UBR2: variants seen among roughly 807,000 people sequenced by gnomAD.
UBR2 encodes ubiquitin protein ligase E3 component n-recognin 2.
A neutral mutation model predicts 247.9 loss-of-function variants in UBR2; 92 were observed. The observed-to-expected ratio is 0.37, with a 90% CI of 0.31 to 0.44. The LOEUF (loss-of-function observed/expected upper bound fraction) is 0.44. Among genes scored for constraint, UBR2 ranks in the 20% least tolerant of loss-of-function variants. The probability of loss-of-function intolerance (pLI) is 1.00; values close to 1 mark genes in which losing one functional copy is unlikely to be tolerated. For synonymous variants in UBR2, 672 were observed against 693.5 expected (o/e 0.97, Z 0.49); for missense variants, 1,613 against 2,112.6 (o/e 0.76, Z 4.64).
rs1200384762 is a variant in UBR2 at position 42,644,294 on chromosome 6, T to C, written c.2178T>C (p.Thr726=). ...SRFELYQIFS[T]PDYGKRFSSE... ...TTGAACTTTATCAGATTTTCAGTAC[T>C]CCAGACTATGGAAAAAGATTTAGTT... is the stretch of plus-strand genomic sequence containing the variant. The change falls in exon 19 of 47, where the codon ACT becomes ACC. Residue 726 remains threonine (T), a synonymous_variant. Transcript: ENST00000372901. 2.2e-5 allele frequency: 35 copies of C among 1,613,530 alleles called. No homozygotes were observed. Among genetic ancestry groups the C allele is most frequent in the Non-Finnish European group, 2.9e-5 (34 of 1,179,868 alleles).
chr6:42,567,327 T>G (rs1790839685), intron 1 of UBR2, among the ~76,000 whole-genome samples: 1 of 152,228 alleles, frequency 6.6e-6, no homozygotes, highest in Non-Finnish European at 1.5e-5. Context: ...ATTCTTCTCT[T>G]TTCTTGTTAG....
intron 24 of UBR2, 103 bp from the exon 25 acceptor site, chr6:42,652,388 T>G: frequency 7.7e-7 from 1 of 1,298,952 alleles, no homozygotes; most frequent in South Asian, 1.5e-5. Context: ...TTAAGGTGTG[T>G]GTTAATGAAT....
chr6:42,576,966 C>A (rs908364035), intron 2 of UBR2, among the ~76,000 whole-genome samples: 1 of 152,092 alleles, frequency 6.6e-6, no homozygotes, highest in African/African-American at 2.4e-5. Flanking sequence ...CCCTGGAAAC[C>A]AGATCAAAGA....
intron 43 of UBR2, among the ~76,000 whole-genome samples, chr6:42,683,726 C>T (rs1799190114): frequency 1.3e-5 from 2 of 152,184 alleles, no homozygotes; most frequent in African/African-American, 4.8e-5. Context: ...TGGAGCATTT[C>T]AGATTTCAGG....
At chr6:42,603,928 A>G (rs1036280363) in intron 5 of UBR2, among the ~76,000 whole-genome samples, 2 of 152,162 alleles carry the variant, frequency 1.3e-5, no homozygotes, top group Non-Finnish European at 2.9e-5. Context: ...TTGTAGCCAT[A>G]TTTAAACTTT....
chr6:42,564,521 C>A, intron 1 of UBR2, 124 bp downstream of exon 1: 1 of 1,144,086 alleles, frequency 8.7e-7, no homozygotes, highest in Non-Finnish European at 1.2e-6. Context: ...TGCCGGCCCT[C>A]GCCTTGTGGG....
intron 4 of UBR2, among the ~76,000 whole-genome samples, chr6:42,602,032 C>CTAACTTTTATATTTTTAG (rs1793411638): frequency 4.3e-5 from 4 of 93,152 alleles, no homozygotes; most frequent in Admixed American, 4.0e-4. Context: ...CCACACTCAA[C>CTAACTTTTATATTTTTAG]TAACTTTTAT....
chr6:42,643,142 C>A (rs563135142), intron 18 of UBR2, among the ~76,000 whole-genome samples: 1 of 152,266 alleles, frequency 6.6e-6, no homozygotes, highest in South Asian at 2.1e-4. Flanking sequence ...GCACTCACAA[C>A]CCTGGACTGT....
At position 42,658,100 on chromosome 6, in the gene UBR2, A is replaced by G. The variant is rs1274389191; in HGVS notation, c.2949A>G (p.Glu983=). Residue 983 remains glutamate (E), a synonymous_variant, in exon 27 of 47, where the codon GAA becomes GAG. Coordinates refer to ENST00000372901, the MANE Select transcript of UBR2 (RefSeq NM_001363705.2). ...CACTACAAAATGCTCCCTACCTAGAAGTCCACAAAGACATGATTCGGTGGA... is the reference window on the plus strand; with the variant it reads ...CACTACAAAATGCTCCCTACCTAGAGGTCCACAAAGACATGATTCGGTGGA... ...LETLQNAPYL[E]VHKDMIRWIL... is the part of the protein sequence containing the mutation. The G allele has an allele frequency of 6.2e-7, 1 of 1,614,110 alleles. No homozygotes were observed. The highest frequency in any genetic ancestry group is 1.3e-5 in the African/African-American group (1 of 75,054).
chr6:42,587,831 G>T (rs1318690345), intron 2 of UBR2, among the ~76,000 whole-genome samples: 1 of 151,528 alleles, frequency 6.6e-6, no homozygotes, highest in Admixed American at 6.6e-5. Flanking sequence ...CCCTGAATGT[G>T]CCCGATCTCA....
chr6:42,648,813 T>G (rs1379063958), intron 22 of UBR2, among the ~76,000 whole-genome samples: 1 of 152,202 alleles, frequency 6.6e-6, no homozygotes, highest in African/African-American at 2.4e-5. Context: ...GATGTATATC[T>G]TTCTAAATTT....
In UBR2 at chr6:42,658,331, TA is replaced by T. The variant is rs1582665804; in HGVS notation, c.3063+16del. 1.0e-5 allele frequency: 16 copies of T among 1,600,226 alleles called. No individual in the cohort carries two copies. The highest frequency in any genetic ancestry group is 1.4e-5 in the Non-Finnish European group (16 of 1,175,614). On this transcript the variant is annotated intron_variant, in intron 28 of 46. Coordinates refer to ENST00000372901, the MANE Select transcript of UBR2 (RefSeq NM_001363705.2). ...ACCATAATGGAAGAGGTATAAACAG[TA>T]AAAAGTGTGATAATACTAAAAAATT...
At chr6:42,665,360 C>A in intron 32 of UBR2, 49 bp from the exon 33 acceptor site, 2 of 1,399,144 alleles carry the variant, frequency 1.4e-6, no homozygotes, top group Non-Finnish European at 2.0e-6. Context: ...TCTTTTGTAT[C>A]TTAAGGAACA....
chr6:42,616,419 G>T (rs982875486), intron 10 of UBR2, among the ~76,000 whole-genome samples: 8 of 151,468 alleles, frequency 5.3e-5, no homozygotes, highest in African/African-American at 1.9e-4. Flanking sequence ...CAGTTTAAAT[G>T]ACATATATAT....
In UBR2 at chr6:42,614,415, C is replaced by CGTACATACATATATACGTATGTAT. The variant is rs1554250447; in HGVS notation, c.986-652_986-651insATACATATATACGTATGTATGTAC. Among the ~76,000 whole-genome samples the CGTACATACATATATACGTATGTAT allele has an allele frequency of 8.0e-4, 71 of 89,218 alleles. 4 individuals are homozygous for CGTACATACATATATACGTATGTAT. The highest frequency in any genetic ancestry group is 3.1e-3 in the African/African-American group (65 of 20,738). 58.5% of individuals were successfully genotyped at this position (89,218 alleles called of 152,430 possible). ...ACGTACATACATACGTATGTATGTA[C>CGTACATACATATATACGTATGTAT]GTACGTACATATATATGTATGTACG... On this transcript the variant is annotated intron_variant, in intron 8 of 46. Coordinates refer to ENST00000372901, the MANE Select transcript of UBR2 (RefSeq NM_001363705.2).
chr6:42,625,080 G>C (rs1489487297), intron 11 of UBR2, among the ~76,000 whole-genome samples: 1 of 152,200 alleles, frequency 6.6e-6, no homozygotes, highest in South Asian at 2.1e-4. Context: ...AAGCAAGATG[G>C]AGTCAATTAT....
intron 7 of UBR2, among the ~76,000 whole-genome samples, chr6:42,611,893 C>T (rs910156621): frequency 1.4e-5 from 2 of 141,918 alleles, no homozygotes; most frequent in Admixed American, 7.7e-5. Flanking sequence ...GGTGACAGAG[C>T]GAGACTCCAC....
intron 13 of UBR2, among the ~76,000 whole-genome samples, chr6:42,634,731 A>C (rs1451708296): frequency 6.6e-6 from 1 of 152,248 alleles, no homozygotes; most frequent in Non-Finnish European, 1.5e-5. Flanking sequence ...CTGGGATTAC[A>C]GGCGTGGGCC....
At chr6:42,598,191 A>G (rs1263711315) in intron 4 of UBR2, among the ~76,000 whole-genome samples, 2 of 151,992 alleles carry the variant, frequency 1.3e-5, no homozygotes, top group African/African-American at 4.8e-5. Context: ...CTTGTCCACA[A>G]CCTGTTCTTG....
Sources: gnomAD v4.1 joint callset for allele counts (sites outside exome capture counted in the v4.1 genomes callset) on GRCh38, gnomAD v4.1.1 for gene constraint, MANE v1.5 for transcripts, NCBI Gene and HGNC (gene_info 2026-07-23, HGNC 2026-07-21) for gene names.